The following ANGPTL3 variants were observed in gnomAD, a reference collection of about 807,000 sequenced individuals.
ANGPTL3 encodes the protein angiopoietin like 3.
Under a neutral mutation model 52.7 loss-of-function variants are expected in ANGPTL3, and 51 were observed. The ratio of observed to expected loss-of-function variants is 0.97; its 90% CI spans 0.77 to 1.22. The LOEUF is 1.22. Among genes scored for constraint, ANGPTL3 ranks in the 50% most tolerant of loss-of-function variants. ANGPTL3 has a pLI of 0.00. For missense variants in ANGPTL3, 506 were observed against 520.7 expected (o/e 0.97, Z 0.27); for synonymous variants, 185 against 179.8 (o/e 1.03, Z -0.23).
intron 3 of ANGPTL3, 133 bp from the exon 4 acceptor site, chr1:62,601,636 A>G (rs1483886459): frequency 1.6e-6 from 1 of 606,740 alleles, no homozygotes; most frequent in Non-Finnish European, 2.9e-6. Context: ...TCTAAGAAAA[A>G]TGCTTTAACA....
intron 1 of ANGPTL3, 73 bp downstream of exon 1, chr1:62,598,134 A>G: frequency 7.3e-7 from 1 of 1,363,142 alleles, no homozygotes; most frequent in Non-Finnish European, 9.8e-7. Flanking sequence ...TTTCTAAGGC[A>G]TGCCATTTGA....
intron 3 of ANGPTL3, 93 bp downstream of exon 3, chr1:62,601,289 T>C: frequency 1.1e-6 from 1 of 905,444 alleles, no homozygotes; most frequent in Non-Finnish European, 1.8e-6. Context: ...AGTTAAGAGA[T>C]ATCCATCAAA....
chr1:62,605,174 C>G lies in ANGPTL3; in HGVS notation c.*357C>G. 1 of 208,858 alleles carries G rather than the reference C, an allele frequency of 4.8e-6. No individual in the cohort carries two copies. Among genetic ancestry groups the G allele is most frequent in the South Asian group, 8.1e-5 (1 of 12,390 alleles). The allele number at this position is 208,858 out of a possible 1,614,324, so 12.9% of individuals were successfully genotyped here. A position where few individuals can be genotyped will look rare whatever the true frequency, so the allele number is the denominator to read the frequency against. Reference sequence around the variant, plus strand: ...GGCATCATATGAGCTAATATCACAACTTTCCCAGTTTAAAAAACTAGTACT... The same window carrying G: ...GGCATCATATGAGCTAATATCACAAGTTTCCCAGTTTAAAAAACTAGTACT... On this transcript the variant is annotated 3_prime_UTR_variant, in exon 7 of 7. Transcript: ENST00000371129.
intron 1 of ANGPTL3, 96 bp downstream of exon 1, chr1:62,598,157 C>T (rs1055999591): frequency 5.2e-6 from 6 of 1,151,324 alleles, no homozygotes; most frequent in Middle Eastern, 3.2e-4. Flanking sequence ...TACTTTGTTG[C>T]ATTGTTGAAA....
Position 62,604,174 on chromosome 1 carries a change from G to C in ANGPTL3, c.1137G>C (p.Leu379Phe), listed in dbSNP as rs1650588720. ...VPNAIPENKD[L>F]VFSTWDHKAK... is the part of the protein sequence containing the mutation. ...ATGCAATCCCGGAAAACAAAGATTT[G>C]GTGTTTTCTACTTGGGATCACAAAG... is the stretch of plus-strand genomic sequence containing the variant. Residue 379 changes from leucine to phenylalanine, a missense_variant, in exon 6 of 7, where the codon TTG becomes TTC. Transcript: ENST00000371129. 6.2e-7 allele frequency: 1 copy of C among 1,613,074 alleles called. No individual in the cohort carries two copies. The highest frequency in any genetic ancestry group is 1.1e-5 in the South Asian group (1 of 91,062).
intron 2 of ANGPTL3, among the ~76,000 whole-genome samples, chr1:62,599,286 A>G (rs1392094766): frequency 6.6e-6 from 1 of 152,008 alleles, no homozygotes; most frequent in Admixed American, 6.6e-5. Context: ...ATTCAAACAC[A>G]TCAAACATAC....
At position 62,597,972 on chromosome 1, in the gene ANGPTL3, C is replaced by G; in HGVS notation, c.406C>G (p.Gln136Glu). The change falls in exon 1 of 7, where the codon CAA becomes GAA. Residue 136 changes from glutamine (Q) to glutamate (E), a missense_variant. By Grantham distance (29) the Gln-to-Glu change is conservative (BLOSUM62 2). Transcript: ENST00000371129. Reference protein sequence around the residue: ...SLLEEKILLQQKVKYLEEQLT... With the variant: ...SLLEEKILLQEKVKYLEEQLT... ...CCTAGAAGAAAAAATTCTACTTCAA[C>G]AAAAAGTGAAATATTTAGAAGAGCA... 1 of 1,557,418 alleles carries G rather than the reference C, an allele frequency of 6.4e-7. No individual in the cohort carries two copies. Among genetic ancestry groups the G allele is most frequent in the Admixed American group, 2.2e-5 (1 of 44,910 alleles).
rs1557788896 is a variant in ANGPTL3 at position 62,604,822 on chromosome 1, A to G, written c.*5A>G. On this transcript the variant is annotated 3_prime_UTR_variant, in exon 7 of 7. Coordinates refer to ENST00000371129, the MANE Select transcript of ANGPTL3 (RefSeq NM_014495.4). ...GATTCAGAAAGCTTTGAATGAACTG[A>G]GGCAAATTTAAAAGGCAATAATTTA... The G allele has an allele frequency of 1.2e-6, 2 of 1,612,014 alleles. No individual in the cohort carries two copies. The highest frequency in any genetic ancestry group is 1.7e-5 in the Admixed American group (1 of 59,906).
rs557222041 is a variant in ANGPTL3, at chr1:62,606,254, A to C, written c.*1437A>C. 2.0e-5 allele frequency: 3 copies of C among 151,926 alleles called. No individual in the cohort carries two copies. The South Asian group carries it at 6.2e-4, about 32-fold the overall frequency. 9.4% of individuals were successfully genotyped at this position (151,926 alleles called of 1,614,324 possible). A position where few individuals can be genotyped will look rare whatever the true frequency, so the allele number is the denominator to read the frequency against. ...TCCTCTCTTCCCCCAAAATTGGACA[A>C]TTTCAAATGCAAAATAATTCATTAT... On this transcript the variant is annotated 3_prime_UTR_variant, in exon 7 of 7. Transcript: ENST00000371129.
At chr1:62,602,173 T>C in intron 4 of ANGPTL3, 112 bp from the exon 5 acceptor site, 1 of 867,292 alleles carries the variant, frequency 1.2e-6, no homozygotes, top group Non-Finnish European at 1.8e-6. Context: ...GCCATAACAT[T>C]AATAAACTAC....
chr1:62,597,918 C>A lies in ANGPTL3; in HGVS notation c.352C>A (p.Leu118Ile). 2.6e-6 allele frequency: 4 copies of A among 1,553,990 alleles called. No individual in the cohort carries two copies. The highest frequency in any genetic ancestry group is 2.5e-5 in the South Asian group (2 of 79,046). Residue 118 changes from leucine to isoleucine, a missense_variant, in exon 1 of 7, where the codon CTT becomes ATT. By Grantham distance (5) the Leu-to-Ile change is conservative. Transcript: ENST00000371129. ...VKNEEVKNMSLELNSKLESLL... is the reference protein window; with the variant it reads ...VKNEEVKNMSIELNSKLESLL... ...AAATGAAGAGGTAAAGAATATGTCACTTGAACTCAACTCAAAACTTGAAAG... is the reference window on the plus strand; with the variant it reads ...AAATGAAGAGGTAAAGAATATGTCAATTGAACTCAACTCAAAACTTGAAAG...
Position 62,604,157 on chromosome 1 carries a change from C to T in ANGPTL3, c.1120C>T (p.Pro374Ser), listed in dbSNP as rs1401204125. The T allele has an allele frequency of 4.3e-6, 7 of 1,613,052 alleles. No individual in the cohort carries two copies. In the Admixed American group the frequency reaches 8.3e-5, roughly 19 times the overall value. Residue 374 changes from proline (P) to serine (S), a missense_variant, in exon 6 of 7, where the codon CCG (proline) becomes TCG (serine). By Grantham distance (74) the Pro-to-Ser change is moderately conservative. Transcript: ENST00000371129. ...TACTGGCAATGTCCCCAATGCAATC[C>T]CGGAAAACAAAGATTTGGTGTTTTC... ...AITGNVPNAI[P>S]ENKDLVFSTW...
In ANGPTL3 at chr1:62,601,133, C is replaced by A; in HGVS notation, c.658C>A (p.Pro220Thr). The A allele has an allele frequency of 6.2e-7, 1 of 1,610,700 alleles. No homozygotes were observed. Among genetic ancestry groups the A allele is most frequent in the Non-Finnish European group, 8.5e-7 (1 of 1,177,518 alleles). The part of the protein sequence containing the change: ...EPTEISLSSK[P>T]RAPRTTPFLQ... The stretch of plus-strand genomic sequence containing the variant: ...CACAGAAATTTCTCTATCTTCCAAG[C>A]CAAGAGCACCAAGAACTACTCCCTT... Residue 220 changes from proline (P) to threonine (T), a missense_variant, in exon 3 of 7, where the codon CCA becomes ACA. Transcript: ENST00000371129.
chr1:62,599,900 A>G (rs939251086), intron 2 of ANGPTL3, among the ~76,000 whole-genome samples: 1 of 152,012 alleles, frequency 6.6e-6, no homozygotes, highest in Non-Finnish European at 1.5e-5. Flanking sequence ...TAGTTTAAAA[A>G]TATTAATAAT....
At position 62,603,966 on chromosome 1, in the gene ANGPTL3, C is replaced by A; in HGVS notation, c.932-3C>A. 6.2e-7 allele frequency: 1 copy of A among 1,612,418 alleles called. No individual in the cohort carries two copies. The highest frequency in any genetic ancestry group is 1.1e-5 in the South Asian group (1 of 91,004). The stretch of plus-strand genomic sequence containing the variant: ...CACAGATTTTTAAAACTTTTCTTTT[C>A]AGGAGAATTTTGGTTGGGCCTAGAG... On this transcript the variant is annotated splice_region_variant and splice_polypyrimidine_tract_variant and intron_variant, in intron 5 of 6. Coordinates refer to ENST00000371129, the MANE Select transcript of ANGPTL3 (RefSeq NM_014495.4).
rs766932125 is a variant in ANGPTL3 at position 62,602,417 on chromosome 1, A to C, written c.931+37A>C. 5.7e-6 allele frequency: 9 copies of C among 1,565,594 alleles called. No homozygotes were observed. The Admixed American group carries it at 1.5e-4, about 26-fold the overall frequency. ...ACATTCAATCATTCATTCACTTGCTAATCTACAAATATTTACTGAGAACCT... is the reference window on the plus strand; with the variant it reads ...ACATTCAATCATTCATTCACTTGCTCATCTACAAATATTTACTGAGAACCT... On this transcript the variant is annotated intron_variant, in intron 5 of 6. Transcript: ENST00000371129.
At chr1:62,600,723 A>T (rs1445625733) in intron 2 of ANGPTL3, among the ~76,000 whole-genome samples, 1 of 151,772 alleles carries the variant, frequency 6.6e-6, no homozygotes, top group Non-Finnish European at 1.5e-5. Flanking sequence ...CTAAAACTGA[A>T]AATTATTAAA....
chr1:62,600,880 T>C (rs1650014594), intron 2 of ANGPTL3, among the ~76,000 whole-genome samples: 1 of 151,820 alleles, frequency 6.6e-6, no homozygotes, highest in Admixed American at 6.6e-5. Flanking sequence ...TATTTTTTTA[T>C]CTTATTAAAT....
intron 6 of ANGPTL3, 183 bp from the exon 7 acceptor site, chr1:62,604,450 G>C (rs755723014): frequency 9.0e-6 from 8 of 887,312 alleles, no homozygotes; most frequent in Non-Finnish European, 1.4e-5. Context: ...TTTTTTGGTA[G>C]TGTATAGATT....
Sources: allele counts gnomAD v4.1 joint callset (sites outside exome capture counted in the v4.1 genomes callset), GRCh38; gene constraint gnomAD v4.1.1; transcripts MANE v1.5; gene names NCBI Gene and HGNC (gene_info 2026-07-23, HGNC 2026-07-21).